Variants in PHACTR1 observed in about 807,000 individuals in gnomAD.
The protein encoded by PHACTR1 is RPEL repeat containing 1.
Under a neutral mutation model 69.2 loss-of-function variants are expected in PHACTR1, and 16 were observed. That is an observed-to-expected ratio of 0.23 (90% CI 0.16 to 0.35). The LOEUF (loss-of-function observed/expected upper bound fraction) is 0.35. PHACTR1 is among the 10% of genes least tolerant of loss of function. The probability of loss-of-function intolerance (pLI) is 1.00; values close to 1 mark genes in which losing one functional copy is unlikely to be tolerated. For synonymous variants in PHACTR1, 312 were observed against 284.5 expected (o/e 1.10, Z -0.97); for missense variants, 510 against 734.7 (o/e 0.69, Z 3.54).
intron 10 of PHACTR1, among the ~76,000 whole-genome samples, chr6:13,266,111 A>G (rs979099578): frequency 2.0e-5 from 3 of 151,896 alleles, no homozygotes; most frequent in African/African-American, 7.3e-5. Flanking sequence ...GTTCTCTTGC[A>G]GTGTGCCTGC....
intron 5 of PHACTR1, among the ~76,000 whole-genome samples, chr6:13,140,174 T>G (rs980454180): frequency 2.6e-5 from 2 of 75,858 alleles, no homozygotes; most frequent in African/African-American, 8.0e-5. Flanking sequence ...TTTGAACCCT[T>G]GTATACTGTT....
intron 4 of PHACTR1, among the ~76,000 whole-genome samples, chr6:13,011,314 A>G (rs1243271441): frequency 6.6e-6 from 1 of 152,256 alleles, no homozygotes; most frequent in African/African-American, 2.4e-5. Flanking sequence ...ATTCATTTAA[A>G]TGTAAACAGC....
At chr6:13,212,862 T>C (rs567470546) in intron 8 of PHACTR1, among the ~76,000 whole-genome samples, 1 of 152,322 alleles carries the variant, frequency 6.6e-6, no homozygotes, top group South Asian at 2.1e-4. Flanking sequence ...ACATCCTCAA[T>C]GAGGCCCTTC....
At chr6:12,945,050 G>A (rs1217746081) in intron 4 of PHACTR1, among the ~76,000 whole-genome samples, 1 of 152,084 alleles carries the variant, frequency 6.6e-6, no homozygotes, top group East Asian at 1.9e-4. Context: ...CCAAAGTGCT[G>A]GGATTACAGG....
chr6:12,743,795 A>G (rs1395428993), intron 3 of PHACTR1, among the ~76,000 whole-genome samples: 1 of 152,252 alleles, frequency 6.6e-6, no homozygotes, highest in Non-Finnish European at 1.5e-5. Flanking sequence ...TCAGCTCTGC[A>G]CCAAGTGGAC....
chr6:13,219,318 C>T (rs1263877253), intron 8 of PHACTR1, among the ~76,000 whole-genome samples: 1 of 152,158 alleles, frequency 6.6e-6, no homozygotes, highest in Non-Finnish European at 1.5e-5. Flanking sequence ...ACAAAGTCCT[C>T]ATCCTTGTGA....
At chr6:12,746,254 C>G (rs945729658) in intron 3 of PHACTR1, among the ~76,000 whole-genome samples, 2 of 152,188 alleles carry the variant, frequency 1.3e-5, no homozygotes, top group African/African-American at 4.8e-5. Flanking sequence ...GAATTCAAGG[C>G]TGGACACAAT....
chr6:12,730,471 G>A (rs556751350), intron 3 of PHACTR1, among the ~76,000 whole-genome samples: 3 of 145,770 alleles, frequency 2.1e-5, no homozygotes, highest in South Asian at 2.1e-4. Context: ...AAAAACACAC[G>A]TGATTTAAAA....
chr6:13,101,138 A>G (rs1246544743), intron 5 of PHACTR1, among the ~76,000 whole-genome samples: 1 of 152,240 alleles, frequency 6.6e-6, no homozygotes, highest in Non-Finnish European at 1.5e-5. Flanking sequence ...TATTTGGCTT[A>G]TGGTTCTGGA....
At chr6:12,970,008 C>T (rs932191950) in intron 4 of PHACTR1, among the ~76,000 whole-genome samples, 1 of 152,064 alleles carries the variant, frequency 6.6e-6, no homozygotes, top group Non-Finnish European at 1.5e-5. Flanking sequence ...ATGTTGAGAA[C>T]AAATGTTACA....
chr6:12,867,549 T>C (rs997933445), intron 4 of PHACTR1, among the ~76,000 whole-genome samples: 7 of 152,150 alleles, frequency 4.6e-5, no homozygotes, highest in African/African-American at 1.7e-4. Flanking sequence ...GCCCCAGAGG[T>C]TAATTAATTC....
chr6:12,873,529 A>AG, intron 4 of PHACTR1, among the ~76,000 whole-genome samples: 1 of 152,286 alleles, frequency 6.6e-6, no homozygotes, highest in East Asian at 1.9e-4. Context: ...TTAGTGGAAG[A>AG]GAAAAAAAGG....
chr6:12,760,770 T>G (rs1470378159), intron 4 of PHACTR1, among the ~76,000 whole-genome samples: 1 of 152,052 alleles, frequency 6.6e-6, no homozygotes, highest in Admixed American at 6.6e-5. Flanking sequence ...CCATCTCTAC[T>G]AAAAATACAA....
At chr6:13,059,592 A>C (rs1446387943) in intron 5 of PHACTR1, among the ~76,000 whole-genome samples, 1 of 152,076 alleles carries the variant, frequency 6.6e-6, no homozygotes, top group African/African-American at 2.4e-5. Context: ...ATAGGTCCAA[A>C]CTCATCTACT....
At chr6:12,933,792 G>C in intron 4 of PHACTR1, 1 of 1,612,844 alleles carries the variant, frequency 6.2e-7, no homozygotes, top group South Asian at 1.1e-5. Context: ...TCAGGCCCCA[G>C]TACAGGTGGA....
chr6:12,718,495 A>G lies in PHACTR1; in HGVS notation c.-46-204A>G, dbSNP rs562941108. 6.7e-5 allele frequency: 17 copies of G among 252,116 alleles called. No homozygotes were observed. In the South Asian group the frequency reaches 6.9e-4, roughly 10 times the overall value. 15.6% of individuals were successfully genotyped at this position (252,116 alleles called of 1,614,324 possible). On this transcript the variant is annotated intron_variant, in intron 2 of 14. Transcript: ENST00000332995. Reference sequence around the variant, plus strand: ...CTGTTTTTCCTGAGTAGAATATATTACTTTTAATGAATGTTGGCTAAATGC... The same window carrying G: ...CTGTTTTTCCTGAGTAGAATATATTGCTTTTAATGAATGTTGGCTAAATGC...
intron 4 of PHACTR1, among the ~76,000 whole-genome samples, chr6:13,041,275 C>T (rs930243145): frequency 6.6e-6 from 1 of 150,688 alleles, no homozygotes; most frequent in African/African-American, 2.4e-5. Context: ...AGCAGGGTTC[C>T]TTACTTTCTG....
intron 4 of PHACTR1, among the ~76,000 whole-genome samples, chr6:12,989,294 T>C (rs926637882): frequency 6.6e-6 from 1 of 152,128 alleles, no homozygotes; most frequent in African/African-American, 2.4e-5. Context: ...CAGGGGGAGA[T>C]AGAGATATAA....
At chr6:13,247,326 CGTGTGTGTGTGTGTGTGTGT>C (rs60972913) in intron 10 of PHACTR1, among the ~76,000 whole-genome samples, 1 of 138,998 alleles carries the variant, frequency 7.2e-6, no homozygotes, top group Non-Finnish European at 1.5e-5. Context: ...CAAGTTCCCT[CGTGTGTGTGTGTGTGTGTGT>C]GTGTGTGTGT....
Sources: gnomAD v4.1 joint callset for allele counts (sites outside exome capture counted in the v4.1 genomes callset) on GRCh38, gnomAD v4.1.1 for gene constraint, MANE v1.5 for transcripts, NCBI Gene and HGNC (gene_info 2026-07-23, HGNC 2026-07-21) for gene names.